Variants in ITIH6 observed in about 807,000 individuals in gnomAD.
ITIH6 encodes inter-alpha-trypsin inhibitor heavy chain family member 6, also known as inter-alpha-trypsin inhibitor heavy chain H6.
In ITIH6, 60 loss-of-function variants were observed where a neutral mutation model predicts 58.2. The ratio of observed to expected loss-of-function variants is 1.03; its 90% CI spans 0.84 to 1.28. ITIH6 has a LOEUF of 1.28. ITIH6 is among the 50% of genes most tolerant of loss of function. ITIH6 has a pLI of 0.00. For synonymous variants in ITIH6, 493 were observed against 417.4 expected (o/e 1.18, Z -2.21); for missense variants, 1,290 against 1,021.1 (o/e 1.26, Z -3.59).
chrX:54,755,177 C>T, intron 8 of ITIH6, 68 bp from the exon 9 acceptor site: 2 of 967,154 alleles, frequency 2.1e-6, no homozygotes, highest in South Asian at 4.1e-5. Flanking sequence ...ATCTTTCTGA[C>T]AAGGAGAGCC....
chrX:54,788,094 C>T (rs1315829146), intron 5 of ITIH6, among the ~76,000 whole-genome samples: 5 of 111,530 alleles, frequency 4.5e-5, no homozygotes, highest in East Asian at 2.8e-4. Context: ...TGTTAAAAGC[C>T]GAGAGAGAGC....
intron 10 of ITIH6, 78 bp downstream of exon 10, chrX:54,753,852 T>A (rs1928427667): frequency 6.2e-6 from 7 of 1,120,630 alleles, no homozygotes; most frequent in Non-Finnish European, 8.6e-6. Flanking sequence ...AGAGGTTATG[T>A]CTATTTCCCC....
At chrX:54,778,789 C>A (rs1276565048) in intron 5 of ITIH6, among the ~76,000 whole-genome samples, 1 of 110,814 alleles carries the variant, frequency 9.0e-6, no homozygotes, top group Non-Finnish European at 1.9e-5. Flanking sequence ...AAGAAGCTAC[C>A]AGAACACCAA....
At chrX:54,791,602 T>C (rs1214848927) in intron 3 of ITIH6, among the ~76,000 whole-genome samples, 1 of 111,379 alleles carries the variant, frequency 9.0e-6, no homozygotes, top group Non-Finnish European at 1.9e-5. Flanking sequence ...TTCTGCCCGC[T>C]GAATGGAACT....
At chrX:54,795,186 T>A (rs1210149568) in intron 2 of ITIH6, among the ~76,000 whole-genome samples, 4 of 111,327 alleles carry the variant, frequency 3.6e-5, no homozygotes, top group Non-Finnish European at 7.5e-5. Flanking sequence ...CCTTGCCATG[T>A]CTCCTTATTA....
At chrX:54,752,545 C>G (rs888840831) in intron 11 of ITIH6, among the ~76,000 whole-genome samples, 2 of 112,177 alleles carry the variant, frequency 1.8e-5, no homozygotes, top group East Asian at 2.8e-4. Flanking sequence ...TGTTCATGCT[C>G]TAATTGAAGA....
Position 54,758,440 on chromosome X carries a change from G to A in ITIH6, c.1634C>T (p.Ala545Val), listed in dbSNP as rs756186426. 13 of 1,209,875 alleles carry A rather than the reference G, an allele frequency of 1.1e-5. No homozygotes were observed. Among genetic ancestry groups the A allele is most frequent in the South Asian group, 1.8e-5 (1 of 56,570 alleles). Residue 545 changes from alanine (A) to valine (V), a missense_variant, in exon 8 of 13, where the codon GCC becomes GTC. Physicochemically the swap from Ala to Val is moderately conservative, Grantham distance 64 (BLOSUM62 0). Transcript: ENST00000218436. ...SEGATNNSQK[A>V]FGCPGEPAPN... ...GGCTGGCTCCCCTGGGCAACCAAAG[G>A]CCTTCTGGCTGTTGTTGGTGGCCCC...
chrX:54,762,763 T>A (rs1399877375), intron 6 of ITIH6, among the ~76,000 whole-genome samples: 1 of 112,208 alleles, frequency 8.9e-6, no homozygotes, highest in Admixed American at 9.5e-5. Flanking sequence ...GAAGGGCTTA[T>A]AATGTTGCTG....
intron 6 of ITIH6, among the ~76,000 whole-genome samples, chrX:54,764,153 C>G (rs1037987510): frequency 5.4e-5 from 6 of 111,707 alleles, no homozygotes; most frequent in African/African-American, 2.0e-4. Context: ...CTGAGAGTAT[C>G]TGTCTTTTAA....
Position 54,796,950 on chromosome X carries a change from A to G in ITIH6, c.249T>C (p.Asn83=), listed in dbSNP as rs775316580. The G allele has an allele frequency of 2.5e-6, 3 of 1,210,755 alleles. No individual in the cohort carries two copies. The Admixed American group carries it at 6.5e-5, about 26-fold the overall frequency. Residue 83 remains asparagine (N), a synonymous_variant, in exon 2 of 13, where the codon AAT becomes AAC. Coordinates refer to ENST00000218436, the MANE Select transcript of ITIH6 (RefSeq NM_198510.3). ...TTTGGAAGCAGACTTACATAGTGAA[A>G]TTGGAGATAAAGGCAAGATGAGGCA... The part of the protein sequence containing the change: ...LDLPHLAFIS[N]FTMTINNKVY...
chrX:54,758,987 T>G lies in ITIH6; in HGVS notation c.1087A>C (p.Asn363His). 1 of 1,161,776 alleles carries G rather than the reference T, an allele frequency of 8.6e-7. No individual in the cohort carries two copies. The highest frequency in any genetic ancestry group is 3.1e-5 in the East Asian group (1 of 32,551). The change falls in exon 8 of 13, where the codon AAC (asparagine) becomes CAC (histidine). Residue 363 changes from asparagine to histidine, a missense_variant. Asn to His is a moderately conservative substitution (Grantham distance 68). Transcript: ENST00000218436. The part of the protein sequence containing the change: ...CMEADGWTDV[N>H]SALLAAASVL... Reference sequence around the variant, plus strand: ...GAAGCAGCTGCCAGCAGAGCTGAGTTGACGTCTGTCCCTAATTGGGGAATA... The same window carrying G: ...GAAGCAGCTGCCAGCAGAGCTGAGTGGACGTCTGTCCCTAATTGGGGAATA...
chrX:54,765,565 A>T (rs1490017750), intron 6 of ITIH6, among the ~76,000 whole-genome samples: 2 of 107,245 alleles, frequency 1.9e-5, no homozygotes, highest in Non-Finnish European at 3.8e-5. Flanking sequence ...AAGATCAGAT[A>T]GTTGTAGGTA....
At chrX:54,770,249 C>G (rs1353148843) in intron 6 of ITIH6, among the ~76,000 whole-genome samples, 4 of 112,605 alleles carry the variant, frequency 3.6e-5, no homozygotes, top group Non-Finnish European at 7.5e-5. Context: ...GCGCATGGTG[C>G]GCGCACCCAC....
chrX:54,767,067 T>G (rs1250463888), intron 6 of ITIH6, among the ~76,000 whole-genome samples: 5 of 110,762 alleles, frequency 4.5e-5, no homozygotes, highest in African/African-American at 6.7e-5. Flanking sequence ...CAATTTCAGC[T>G]CCTGTTATTG....
At chrX:54,771,971 G>A (rs976391291) in intron 6 of ITIH6, among the ~76,000 whole-genome samples, 5 of 111,574 alleles carry the variant, frequency 4.5e-5, no homozygotes, top group African/African-American at 6.5e-5. Flanking sequence ...CAGAAATACC[G>A]TTTGACCCAG....
rs778552851 is a variant in ITIH6, at chrX:54,755,076, A to G, written c.3143T>C (p.Ile1048Thr). Residue 1048 changes from isoleucine (I) to threonine (T), a missense_variant, in exon 9 of 13, where the codon ATC becomes ACC. Transcript: ENST00000218436. The part of the protein sequence containing the change: ...SPNWDGNSEE[I>T]LGGAGGSMES... ...CATGCTGCCTCCAGCTCCTCCCAGG[A>G]TCTCCTCAGAATTGCCATCCCAGTT... The G allele has an allele frequency of 1.7e-6, 2 of 1,210,641 alleles. No homozygotes were observed. Among genetic ancestry groups the G allele is most frequent in the Non-Finnish European group, 2.2e-6 (2 of 894,679 alleles).
At chrX:54,787,924 A>G (rs1019060510) in intron 5 of ITIH6, among the ~76,000 whole-genome samples, 10 of 110,497 alleles carry the variant, frequency 9.1e-5, no homozygotes, top group Non-Finnish European at 7.6e-5. Flanking sequence ...GTCTCAGGCT[A>G]CCCCGCCATC....
chrX:54,761,661 G>A (rs1928648426), intron 6 of ITIH6, among the ~76,000 whole-genome samples: 1 of 111,051 alleles, frequency 9.0e-6, no homozygotes, highest in African/African-American at 3.3e-5. Context: ...CATATGGCTA[G>A]CCAGTTTTCC....
At chrX:54,778,305 C>T (rs1929090221) in intron 5 of ITIH6, among the ~76,000 whole-genome samples, 1 of 109,116 alleles carries the variant, frequency 9.2e-6, no homozygotes, top group Non-Finnish European at 1.9e-5. Context: ...AGCGATTCTC[C>T]CGCCTCAGCC....
Sources: gnomAD v4.1 joint callset for allele counts (sites outside exome capture counted in the v4.1 genomes callset) on GRCh38, gnomAD v4.1.1 for gene constraint, MANE v1.5 for transcripts, NCBI Gene and HGNC (gene_info 2026-07-23, HGNC 2026-07-21) for gene names.